The following ZNF217 variants were observed in gnomAD, a reference collection of about 807,000 sequenced individuals.
ZNF217 encodes zinc finger protein 217.
In ZNF217, 12 loss-of-function variants were observed where a neutral mutation model predicts 73.3. That is an observed-to-expected ratio of 0.16 (90% CI 0.10 to 0.27). The LOEUF (loss-of-function observed/expected upper bound fraction) is 0.27, where lower values mean the gene tolerates loss of function less well. ZNF217 is among the 10% of genes least tolerant of loss of function. ZNF217 has a pLI of 1.00. For missense variants in ZNF217, 1,195 were observed against 1,327.8 expected, an observed-to-expected ratio of 0.90 and a Z score of 1.55; for synonymous variants, 588 against 516.4, an observed-to-expected ratio of 1.14 and a Z score of -1.88.
At chr20:53,596,612 A>T (rs1989045561), upstream of ZNF217, among the ~76,000 whole-genome samples, 1 of 152,238 alleles carries the variant, frequency 6.6e-6, no homozygotes, top group Admixed American at 6.5e-5. Context: ...TCCAAAAGTA[A>T]CAGGAGAACA....
intron 1 of ZNF217, among the ~76,000 whole-genome samples, chr20:53,593,203 T>C (rs867782165): frequency 6.6e-6 from 1 of 151,638 alleles, no homozygotes; most frequent in African/African-American, 2.4e-5. Flanking sequence ...CGCGGTCCCT[T>C]AGAGGCGCCC....
In ZNF217 at chr20:53,571,948, C is replaced by A. The variant is rs1337825631; in HGVS notation, c.3038-95G>T. ...AAGTCAATTTTCAAAATTTCTGACACTGATAATGTAATCAACGCCTAAGTC... is the reference window on the plus strand; with the variant it reads ...AAGTCAATTTTCAAAATTTCTGACAATGATAATGTAATCAACGCCTAAGTC... On this transcript the variant is annotated intron_variant, in intron 4 of 5. Coordinates refer to ENST00000371471, the MANE Select transcript of ZNF217 (RefSeq NM_006526.3). The A allele has an allele frequency of 3.9e-6, 5 of 1,292,124 alleles. No homozygotes were observed. The African/African-American group carries it at 7.6e-5, about 20-fold the overall frequency. The allele number at this position is 1,292,124 out of a possible 1,614,324, so 80.0% of individuals were successfully genotyped here.
At chr20:53,579,017 CTG>C (rs961470786) in intron 2 of ZNF217, among the ~76,000 whole-genome samples, 3 of 152,230 alleles carry the variant, frequency 2.0e-5, no homozygotes, top group African/African-American at 7.2e-5. Context: ...CTAGGAAAGT[CTG>C]TCAAAATTTA....
At position 53,567,109 on chromosome 20, in the gene ZNF217, A is replaced by G. The variant is rs1987773009; in HGVS notation, c.*2179T>C. On this transcript the variant is annotated 3_prime_UTR_variant, in exon 6 of 6. Transcript: ENST00000371471. ...AATCTATATTTACACTTCCACATAT[A>G]ATAACATAACTTTAAGCTGAAATAT... 1 of 152,648 alleles carries G rather than the reference A, an allele frequency of 6.6e-6. No individual in the cohort carries two copies. Among genetic ancestry groups the G allele is most frequent in the Non-Finnish European group, 1.5e-5 (1 of 68,046 alleles). 9.5% of individuals were successfully genotyped at this position (152,648 alleles called of 1,614,324 possible). A position where few individuals can be genotyped will look rare whatever the true frequency, so the allele number is the denominator to read the frequency against.
intron 5 of ZNF217, among the ~76,000 whole-genome samples, chr20:53,569,982 G>A (rs555649416): frequency 6.6e-6 from 1 of 152,002 alleles, no homozygotes; most frequent in African/African-American, 2.4e-5. Context: ...CAGAGGATGA[G>A]AAAGAAGAGG....
Position 53,571,847 on chromosome 20 carries a change from C to A in ZNF217, c.3044G>T (p.Arg1015Met). The part of the protein sequence containing the change: ...PASSSTLEGK[R>M]PVSYQHLSNS... The stretch of plus-strand genomic sequence containing the variant: ...AGATAAGTGTTGATATGACACAGGC[C>A]TTTTTCCTGATTGAAAAAAAAAACA... The change falls in exon 5 of 6, where the codon AGG (arginine) becomes ATG (methionine). Residue 1015 changes from arginine (R) to methionine (M), a missense_variant. This residue lies in a region of ZNF217 where 649 missense variants were observed against 642.8 expected (regional missense o/e 1.01). Coordinates refer to ENST00000371471, the MANE Select transcript of ZNF217 (RefSeq NM_006526.3). 1 of 1,589,460 alleles carries A rather than the reference C, an allele frequency of 6.3e-7. No homozygotes were observed. Among genetic ancestry groups the A allele is most frequent in the African/African-American group, 1.4e-5 (1 of 72,888 alleles).
chr20:53,583,893 T>C (rs1988599535), intron 1 of ZNF217, among the ~76,000 whole-genome samples: 1 of 152,234 alleles, frequency 6.6e-6, no homozygotes, highest in Admixed American at 6.5e-5. Context: ...CAACAAGCAC[T>C]GGGTGGGGCT....
At chr20:53,573,540 T>TCTG (rs1238289559) in intron 4 of ZNF217, among the ~76,000 whole-genome samples, 1 of 152,180 alleles carries the variant, frequency 6.6e-6, no homozygotes, top group Non-Finnish European at 1.5e-5. Context: ...CTCACTGCAA[T>TCTG]CTGCGCATCC....
Position 53,571,773 on chromosome 20 carries a change from G to A in ZNF217, c.3118C>T (p.His1040Tyr), listed in dbSNP as rs1213281989. Residue 1040 changes from histidine to tyrosine, a missense_variant, in exon 5 of 6, where the codon CAT becomes TAT. Around this residue, in one of 9 missense-constraint regions of ZNF217, gnomAD observed 649 missense variants for 642.8 expected, o/e 1.01. Coordinates refer to ENST00000371471, the MANE Select transcript of ZNF217 (RefSeq NM_006526.3). ...GTTTTTTTGTCATTTGGTCGATAAT[G>A]TGCATTCCCAATAAAATTCTCATAG... is the stretch of plus-strand genomic sequence containing the variant. ...RNYENFIGNA[H>Y]YRPNDKKT The A allele has an allele frequency of 6.8e-6, 11 of 1,612,772 alleles. No individual in the cohort carries two copies. The highest frequency in any genetic ancestry group is 1.3e-5 in the African/African-American group (1 of 74,776).
chr20:53,573,588 AGTTCGGATT>A (rs1333658091), intron 4 of ZNF217, among the ~76,000 whole-genome samples: 1 of 152,160 alleles, frequency 6.6e-6, no homozygotes, highest in Non-Finnish European at 1.5e-5. Context: ...CCTCCCAAAC[AGTTCGGATT>A]ACAGGTGCAA....
Position 53,576,809 on chromosome 20 carries a change from T to C in ZNF217, c.1955A>G (p.Asp652Gly). The C allele has an allele frequency of 1.2e-6, 2 of 1,614,226 alleles. No individual in the cohort carries two copies. The highest frequency in any genetic ancestry group is 1.7e-6 in the Non-Finnish European group (2 of 1,180,042). ...TTCAAGGTTATGGGTGGTACTGCCA[T>C]CCGGAGGAGGAGTAACATCCGCCTT... ...RTKADVTPPP[D>G]GSTTHNLEVS... The change falls in exon 4 of 6, where the codon GAT (aspartate) becomes GGT (glycine). Residue 652 changes from aspartate (D) to glycine (G), a missense_variant. Asp to Gly is a moderately conservative substitution (Grantham distance 94, BLOSUM62 -1). Around this residue, in one of 9 missense-constraint regions of ZNF217, gnomAD observed 649 missense variants for 642.8 expected, o/e 1.01. Transcript: ENST00000371471.
At chr20:53,586,948 T>G (rs1344164044) in intron 1 of ZNF217, among the ~76,000 whole-genome samples, 1 of 152,238 alleles carries the variant, frequency 6.6e-6, no homozygotes, top group Non-Finnish European at 1.5e-5. Context: ...TCTAAATGCT[T>G]CTAGCTTGCA....
intron 1 of ZNF217, among the ~76,000 whole-genome samples, chr20:53,588,590 CTATCTATATATATATATA>C (rs1449735952): frequency 0.058 from 1,553 of 26,722 alleles, 30 homozygotes; most frequent in African/African-American, 0.19. Context: ...ATACACACAT[CTATCTATATATATATATA>C]TATATATATA....
intron 5 of ZNF217, chr20:53,570,348 T>C (rs996959196): frequency 5.9e-5 from 9 of 153,038 alleles, no homozygotes; most frequent in African/African-American, 2.2e-4. Flanking sequence ...TGAGTCCCGA[T>C]GAAAATATGA....
intron 4 of ZNF217, 114 bp from the exon 5 acceptor site, chr20:53,571,967 C>G: frequency 1.9e-6 from 2 of 1,030,660 alleles, no homozygotes; most frequent in South Asian, 4.1e-5. Context: ...TAATCAACGC[C>G]TAAGTCACAC....
intron 1 of ZNF217, among the ~76,000 whole-genome samples, chr20:53,584,834 G>C (rs952232834): frequency 1.1e-4 from 16 of 152,118 alleles, no homozygotes; most frequent in South Asian, 6.2e-4. Flanking sequence ...TATTCAACAA[G>C]TATTTACTGA....
rs1987839437 is a variant in ZNF217, at chr20:53,568,462, T to C, written c.*826A>G. 6.6e-6 allele frequency: 1 copy of C among 152,222 alleles called. No homozygotes were observed. The highest frequency in any genetic ancestry group is 2.1e-4 in the South Asian group (1 of 4,832). 9.4% of individuals were successfully genotyped at this position (152,222 alleles called of 1,614,324 possible). ...TTATGTTTATACAACGTGTGGCTGCTCTACAGAGAAAATGCTTGTCTGTAG... is the reference window on the plus strand; with the variant it reads ...TTATGTTTATACAACGTGTGGCTGCCCTACAGAGAAAATGCTTGTCTGTAG... On this transcript the variant is annotated 3_prime_UTR_variant, in exon 6 of 6. Transcript: ENST00000371471.
upstream of ZNF217, among the ~76,000 whole-genome samples, chr20:53,596,788 T>G (rs1257266889): frequency 1.3e-5 from 2 of 151,494 alleles, no homozygotes; most frequent in Non-Finnish European, 1.5e-5. Flanking sequence ...TGCTACTAGA[T>G]GCCAGCAAAA....
chr20:53,595,759 AT>A (rs34838294), upstream of ZNF217, among the ~76,000 whole-genome samples: 2 of 152,310 alleles, frequency 1.3e-5, no homozygotes, highest in Admixed American at 6.5e-5. Flanking sequence ...TTTAAAATAT[AT>A]TTTTTAAACT....
Sources: allele counts gnomAD v4.1 joint callset (sites outside exome capture counted in the v4.1 genomes callset), GRCh38; gene constraint gnomAD v4.1.1; regional missense constraint gnomAD v4.1.1; transcripts MANE v1.5; gene names NCBI Gene and HGNC (gene_info 2026-07-23, HGNC 2026-07-21).